The following CHUK variants were observed in gnomAD, a reference collection of about 807,000 sequenced individuals.
The protein encoded by CHUK is component of inhibitor of nuclear factor kappa B kinase complex, also known as inhibitor of nuclear factor kappa-B kinase subunit alpha.
A neutral mutation model predicts 104.8 loss-of-function variants in CHUK; 35 were observed. The ratio of observed to expected loss-of-function variants is 0.33; its 90% CI spans 0.26 to 0.44. The LOEUF (loss-of-function observed/expected upper bound fraction) is 0.44. Among genes scored for constraint, CHUK ranks in the 20% least tolerant of loss-of-function variants. CHUK has a pLI of 1.00. For synonymous variants in CHUK, 276 were observed against 291.9 expected, an observed-to-expected ratio of 0.95 and a Z score of 0.56; for missense variants, 663 against 902.7, an observed-to-expected ratio of 0.73 and a Z score of 3.40.
At chr10:100,211,879 A>ATTTT (rs56796436) in intron 9 of CHUK, among the ~76,000 whole-genome samples, 4 of 146,100 alleles carry the variant, frequency 2.7e-5, no homozygotes, top group Non-Finnish European at 1.5e-5. Context: ...TTACAGTTCT[A>ATTTT]TTTTTTTTTT....
chr10:100,193,650 T>C (rs1190048055), intron 18 of CHUK: 5 of 618,216 alleles, frequency 8.1e-6, no homozygotes, highest in Admixed American at 5.9e-5. Context: ...ACTCATCTTA[T>C]ACCATTTTAG....
chr10:100,203,702 G>C (rs1021847047), intron 13 of CHUK, among the ~76,000 whole-genome samples: 1 of 152,004 alleles, frequency 6.6e-6, no homozygotes, highest in Non-Finnish European at 1.5e-5. Context: ...ATCTGAAGGA[G>C]ATAAGCTTGG....
chr10:100,205,306 C>A, intron 11 of CHUK, 107 bp from the exon 12 acceptor site: 1 of 1,156,010 alleles, frequency 8.7e-7, no homozygotes, highest in South Asian at 1.2e-5. Flanking sequence ...AAACAGGATT[C>A]CCATAGATGC....
chr10:100,213,540 G>C (rs957598322), intron 9 of CHUK, among the ~76,000 whole-genome samples: 1 of 151,068 alleles, frequency 6.6e-6, no homozygotes, highest in African/African-American at 2.4e-5. Context: ...GTTTGTTTTT[G>C]AGACAGAGTC....
In CHUK at chr10:100,209,656, G is replaced by A; in HGVS notation, c.1067C>T (p.Ser356Leu). 3.1e-6 allele frequency: 5 copies of A among 1,610,748 alleles called. No individual in the cohort carries two copies. Among genetic ancestry groups the A allele is most frequent in the Non-Finnish European group, 4.2e-6 (5 of 1,176,944 alleles). Residue 356 changes from serine to leucine, a missense_variant, in exon 10 of 21, where the codon TCA (serine) becomes TTA (leucine). Physicochemically the swap from Ser to Leu is moderately radical, Grantham distance 145. This residue lies in a region of CHUK where 93 missense variants were observed against 95.9 expected (regional missense o/e 0.97). Transcript: ENST00000370397. The stretch of plus-strand genomic sequence containing the variant: ...AGGATCCAGAGAAATTCCTGTCTCT[G>A]AAAGAAGTTCTTGAGAACCAGTATT... ...GINTGSQELL[S>L]ETGISLDPRK...
intron 9 of CHUK, 146 bp downstream of exon 9, chr10:100,217,849 C>T: frequency 1.2e-6 from 1 of 861,716 alleles, no homozygotes; most frequent in Admixed American, 2.1e-5. Flanking sequence ...TGCACTCCAG[C>T]CTAGGTGACA....
chr10:100,200,881 T>A, intron 14 of CHUK, 101 bp from the exon 15 acceptor site: 1 of 735,498 alleles, frequency 1.4e-6, no homozygotes, highest in South Asian at 1.4e-5. Context: ...GCTGCTTCAT[T>A]AGAGAACTAA....
At position 100,189,266 on chromosome 10, in the gene CHUK, G is replaced by T. The variant is rs1589572320; in HGVS notation, c.*332C>A. On this transcript the variant is annotated 3_prime_UTR_variant, in exon 21 of 21. Transcript: ENST00000370397. ...AAAAGTTGACACTAATACATAGAAG[G>T]TATTTTTAATCAGTTAAATAAGTAA... The T allele has an allele frequency of 4.0e-6, 1 of 252,168 alleles. No homozygotes were observed. Among genetic ancestry groups the T allele is most frequent in the East Asian group, 7.8e-5 (1 of 12,872 alleles). The allele number at this position is 252,168 out of a possible 1,614,324, so 15.6% of individuals were successfully genotyped here. A position where few individuals can be genotyped will look rare whatever the true frequency, so the allele number is the denominator to read the frequency against.
Position 100,205,070 on chromosome 10 carries a change from A to C in CHUK, c.1355+6T>G. The C allele has an allele frequency of 6.2e-7, 1 of 1,614,126 alleles. No individual in the cohort carries two copies. Among genetic ancestry groups the C allele is most frequent in the Non-Finnish European group, 8.5e-7 (1 of 1,179,986 alleles). ...ATTGTGCTTATAAACAACAGAATCC[A>C]CTTACATTGCTGCCCTTTGTCCCTG... On this transcript the variant is annotated splice_donor_region_variant and intron_variant, in intron 12 of 20. Transcript: ENST00000370397.
chr10:100,226,369 C>A (rs767797392), intron 1 of CHUK, among the ~76,000 whole-genome samples: 3 of 152,152 alleles, frequency 2.0e-5, no homozygotes, highest in Non-Finnish European at 4.4e-5. Flanking sequence ...AATATGTGCC[C>A]CAGCTTCTAG....
intron 10 of CHUK, 44 bp from the exon 11 acceptor site, chr10:100,207,376 G>C: frequency 2.1e-6 from 2 of 957,642 alleles, no homozygotes; most frequent in Non-Finnish European, 3.4e-6. Flanking sequence ...AAGGATCTTT[G>C]AAAATCCTAG....
chr10:100,228,188 C>G (rs17878613), intron 1 of CHUK, among the ~76,000 whole-genome samples: 8,722 of 152,200 alleles, frequency 0.057, 393 homozygotes, highest in African/African-American at 0.11. Context: ...ACTTACTTTA[C>G]AGGCAACAAA....
At position 100,222,885 on chromosome 10, in the gene CHUK, G is replaced by T; in HGVS notation, c.296C>A (p.Ser99Tyr). Residue 99 changes from serine to tyrosine, a missense_variant, in exon 3 of 21, where the codon TCT becomes TAT. This residue lies in a region of CHUK where 200 missense variants were observed against 333.0 expected (regional missense o/e 0.60). Coordinates refer to ENST00000370397, the MANE Select transcript of CHUK (RefSeq NM_001278.5). Reference sequence around the variant, plus strand: ...CACTACCTTTCGGAGATCTCCTCCAGAACAGTATTCCATTGCTAGAAGAGG... The same window carrying T: ...CACTACCTTTCGGAGATCTCCTCCATAACAGTATTCCATTGCTAGAAGAGG... Reference protein sequence around the residue: ...DVPLLAMEYCSGGDLRKLLNK... With the variant: ...DVPLLAMEYCYGGDLRKLLNK... 6.4e-7 allele frequency: 1 copy of T among 1,570,494 alleles called. No homozygotes were observed. The highest frequency in any genetic ancestry group is 8.8e-7 in the Non-Finnish European group (1 of 1,140,384).
intron 16 of CHUK, among the ~76,000 whole-genome samples, chr10:100,196,640 ATCC>A (rs932408940): frequency 6.6e-6 from 1 of 152,038 alleles, no homozygotes; most frequent in Non-Finnish European, 1.5e-5. Context: ...GCCTCAAACG[ATCC>A]TCCTGTCTCA....
intron 11 of CHUK, among the ~76,000 whole-genome samples, chr10:100,205,979 T>C (rs1311387149): frequency 1.3e-5 from 2 of 152,046 alleles, no homozygotes; most frequent in Non-Finnish European, 2.9e-5. Context: ...CAGAGGGACA[T>C]CTTACAAAAT....
intron 9 of CHUK, among the ~76,000 whole-genome samples, chr10:100,217,467 G>A (rs530566251): frequency 5.9e-5 from 9 of 152,096 alleles, no homozygotes; most frequent in Admixed American, 6.5e-5. Context: ...ATGGGAAAAG[G>A]TAAATAAAAA....
At chr10:100,216,572 C>T (rs1022418460) in intron 9 of CHUK, among the ~76,000 whole-genome samples, 1 of 152,086 alleles carries the variant, frequency 6.6e-6, no homozygotes, top group African/African-American at 2.4e-5. Context: ...GGAGAGGTGG[C>T]GCACACCTGT....
intron 3 of CHUK, 116 bp from the exon 4 acceptor site, chr10:100,222,297 A>C (rs892960724): frequency 3.1e-5 from 21 of 668,352 alleles, no homozygotes; most frequent in South Asian, 1.9e-4. Context: ...AAGTCATAAT[A>C]AAATACAAGG....
At chr10:100,211,579 G>A (rs139914714) in intron 9 of CHUK, among the ~76,000 whole-genome samples, 1 of 152,160 alleles carries the variant, frequency 6.6e-6, no homozygotes, top group Admixed American at 6.5e-5. Context: ...GTGAGATCAC[G>A]CAGTATTTCT....
Sources: gnomAD v4.1 joint callset for allele counts (sites outside exome capture counted in the v4.1 genomes callset) on GRCh38, gnomAD v4.1.1 for gene constraint, gnomAD v4.1.1 regional missense constraint, MANE v1.5 for transcripts, NCBI Gene and HGNC (gene_info 2026-07-23, HGNC 2026-07-21) for gene names.